CLVS2: variants seen among roughly 807,000 people sequenced by gnomAD.
CLVS2 encodes the protein clavesin 2, also known as clavesin-2.
Under a neutral mutation model 29.0 loss-of-function variants are expected in CLVS2, and 19 were observed. The observed-to-expected ratio is 0.66, with a 90% CI of 0.46 to 0.96. CLVS2 has a LOEUF of 0.96. Ranked by LOEUF, CLVS2 falls within the 40% of genes least tolerant of loss-of-function variation. The pLI is 0.00. For missense variants in CLVS2, 294 were observed against 404.1 expected (o/e 0.73, Z 2.34); for synonymous variants, 161 against 151.3 (o/e 1.06, Z -0.47).
Position 123,066,457 on chromosome 6 carries a change from T to C in CLVS2, c.*2696T>C, listed in dbSNP as rs1772857163. 6.6e-6 allele frequency: 1 copy of C among 151,742 alleles called. No homozygotes were observed. Among genetic ancestry groups the C allele is most frequent in the African/African-American group, 2.4e-5 (1 of 41,394 alleles). 9.4% of individuals were successfully genotyped at this position (151,742 alleles called of 1,614,324 possible). On this transcript the variant is annotated 3_prime_UTR_variant, in exon 6 of 6. Coordinates refer to ENST00000275162, the MANE Select transcript of CLVS2 (RefSeq NM_001010852.4). ...ACTTCGAGAGCTATTTTAGTTGTCTTGTCACTTGAAATTTGCGGGCTTCAA... is the reference window on the plus strand; with the variant it reads ...ACTTCGAGAGCTATTTTAGTTGTCTCGTCACTTGAAATTTGCGGGCTTCAA...
At chr6:123,046,434 C>T (rs1018378885) in intron 3 of CLVS2, among the ~76,000 whole-genome samples, 3 of 152,058 alleles carry the variant, frequency 2.0e-5, no homozygotes, top group Non-Finnish European at 4.4e-5. Flanking sequence ...CCGAGGTGGG[C>T]GAGTCACCTG....
chr6:123,059,458 T>C (rs1375697794), intron 5 of CLVS2, among the ~76,000 whole-genome samples: 2 of 152,202 alleles, frequency 1.3e-5, no homozygotes, highest in Admixed American at 6.5e-5. Context: ...CAGAGGGTGC[T>C]CAGGAAATAC....
chr6:122,999,997 A>G (rs1201140561), intron 2 of CLVS2, among the ~76,000 whole-genome samples: 2 of 152,188 alleles, frequency 1.3e-5, no homozygotes, highest in Non-Finnish European at 2.9e-5. Flanking sequence ...GCTTCCATAT[A>G]AAGGGCAGAC....
At chr6:123,051,942 A>G (rs1038833953) in intron 4 of CLVS2, among the ~76,000 whole-genome samples, 1 of 152,206 alleles carries the variant, frequency 6.6e-6, no homozygotes, top group Non-Finnish European at 1.5e-5. Context: ...GTAGAAACTT[A>G]ACAATTGGGC....
At chr6:123,006,903 C>T (rs1222214975) in intron 2 of CLVS2, among the ~76,000 whole-genome samples, 1 of 152,076 alleles carries the variant, frequency 6.6e-6, no homozygotes, top group African/African-American at 2.4e-5. Flanking sequence ...CTTATTTCTA[C>T]ATTTGGATGA....
chr6:123,014,390 T>G (rs1485057463), intron 3 of CLVS2, among the ~76,000 whole-genome samples: 1 of 152,078 alleles, frequency 6.6e-6, no homozygotes, highest in Non-Finnish European at 1.5e-5. Flanking sequence ...CCATATACCT[T>G]GTATAAAGAT....
intron 3 of CLVS2, among the ~76,000 whole-genome samples, chr6:123,037,535 C>T (rs142484541): frequency 2.0e-4 from 30 of 152,164 alleles, no homozygotes; most frequent in African/African-American, 5.5e-4. Flanking sequence ...TCACTGTCTT[C>T]TGCTCTAAGA....
Position 123,055,971 on chromosome 6 carries a change from T to A in CLVS2, c.841T>A (p.Tyr281Asn). 6.2e-7 allele frequency: 1 copy of A among 1,614,006 alleles called. No individual in the cohort carries two copies. Among genetic ancestry groups the A allele is most frequent in the East Asian group, 2.2e-5 (1 of 44,826 alleles). The change falls in exon 5 of 6, where the codon TAC becomes AAC. Residue 281 changes from tyrosine to asparagine, a missense_variant. By Grantham distance (143) the Tyr-to-Asn change is moderately radical. Transcript: ENST00000275162. ...DDDSEYNVDS[Y>N]SMPVKEVEKE... is the part of the protein sequence containing the mutation. ...TGACAGCGAGTACAATGTAGACTCC[T>A]ACAGCATGCCTGTGAAGGAAGTAGA...
intron 2 of CLVS2, among the ~76,000 whole-genome samples, chr6:123,000,651 C>T (rs1362764176): frequency 1.3e-5 from 2 of 152,182 alleles, no homozygotes; most frequent in Admixed American, 1.3e-4. Flanking sequence ...GTGCTAGTTT[C>T]TCTTATCCCT....
chr6:122,998,162 A>G lies in CLVS2; in HGVS notation c.385A>G (p.Ser129Gly). Residue 129 changes from serine (S) to glycine (G), a missense_variant, in exon 2 of 6, where the codon AGC (serine) becomes GGC (glycine). By Grantham distance (56) the Ser-to-Gly change is moderately conservative. Transcript: ENST00000275162. ...CCTTTTTGCTGCCAATTGGGATCAG[A>G]GCAGGTAAATCCTAAATCCAAACTT... The part of the protein sequence containing the change: ...LVLFAANWDQ[S>G]RYTLVDILRA... 6.2e-7 allele frequency: 1 copy of G among 1,610,154 alleles called. No homozygotes were observed. The highest frequency in any genetic ancestry group is 8.5e-7 in the Non-Finnish European group (1 of 1,179,680).
chr6:123,027,540 T>C (rs1404437462), intron 3 of CLVS2, among the ~76,000 whole-genome samples: 1 of 152,206 alleles, frequency 6.6e-6, no homozygotes, highest in Non-Finnish European at 1.5e-5. Context: ...GACATTGCCT[T>C]GCCTTTAGCC....
chr6:123,014,414 T>C (rs911739425), intron 3 of CLVS2, among the ~76,000 whole-genome samples: 1 of 152,058 alleles, frequency 6.6e-6, no homozygotes, highest in African/African-American at 2.4e-5. Context: ...TGAACCATTA[T>C]TATATATATT....
At chr6:123,040,090 C>A (rs1341639029) in intron 3 of CLVS2, among the ~76,000 whole-genome samples, 3 of 152,080 alleles carry the variant, frequency 2.0e-5, no homozygotes, top group African/African-American at 7.2e-5. Context: ...TGGGTTGTAT[C>A]TGAAGTGCTG....
rs1428917176 is a variant in CLVS2 at position 123,071,028 on chromosome 6, T to G, written c.*7267T>G. On this transcript the variant is annotated 3_prime_UTR_variant, in exon 6 of 6. Transcript: ENST00000275162. ...TCATATTCTCCTTTCCTGCTGTATT[T>G]CCTCTCCATAGCATTTATCACCTGA... 1 of 152,024 alleles carries G rather than the reference T, an allele frequency of 6.6e-6. No homozygotes were observed. Among genetic ancestry groups the G allele is most frequent in the Admixed American group, 6.6e-5 (1 of 15,234 alleles). The allele number at this position is 152,024 out of a possible 1,614,324, so 9.4% of individuals were successfully genotyped here.
rs1041717606 is a variant in CLVS2 at position 123,024,185 on chromosome 6, C to T, written c.564+13026C>T. On this transcript the variant is annotated intron_variant, in intron 3 of 5. Coordinates refer to ENST00000275162, the MANE Select transcript of CLVS2 (RefSeq NM_001010852.4). ...TTCTTTTTAAAAAACCATAGGCAGT[C>T]ATAGGTAGTTTTTCCCTTAGAAGTT... 4.6e-5 allele frequency among the ~76,000 whole-genome samples: 7 copies of T among 152,114 alleles called. No homozygotes were observed. In the East Asian group the frequency reaches 1.4e-3, roughly 29 times the overall value.
At position 123,070,538 on chromosome 6, in the gene CLVS2, A is replaced by C. The variant is rs1227640831; in HGVS notation, c.*6777A>C. 2 of 151,982 alleles carry C rather than the reference A, an allele frequency of 1.3e-5. No homozygotes were observed. The highest frequency in any genetic ancestry group is 2.1e-4 in the South Asian group (1 of 4,836). The allele number at this position is 151,982 out of a possible 1,614,324, so 9.4% of individuals were successfully genotyped here. ...ACACATTAGCAAGAGTGAGTCTCTT[A>C]AAATGTAACTCAGACCATTTTGTTC... is the stretch of plus-strand genomic sequence containing the variant. On this transcript the variant is annotated 3_prime_UTR_variant, in exon 6 of 6. Coordinates refer to ENST00000275162, the MANE Select transcript of CLVS2 (RefSeq NM_001010852.4).
chr6:123,056,402 G>C (rs1057214700), intron 5 of CLVS2, among the ~76,000 whole-genome samples: 1 of 151,924 alleles, frequency 6.6e-6, no homozygotes. Context: ...CCCAGTGCTT[G>C]GTAACCACCA....
chr6:123,022,225 A>G (rs1193161612), intron 3 of CLVS2, among the ~76,000 whole-genome samples: 1 of 152,084 alleles, frequency 6.6e-6, no homozygotes, highest in African/African-American at 2.4e-5. Flanking sequence ...TTAGAGCCAC[A>G]TGTACATTTT....
At chr6:123,054,802 T>C (rs953156062) in intron 4 of CLVS2, among the ~76,000 whole-genome samples, 2 of 151,956 alleles carry the variant, frequency 1.3e-5, no homozygotes, top group Middle Eastern at 3.4e-3. Context: ...ATCTTGAGTA[T>C]GTGGCTTGAA....
Sources: gnomAD v4.1 joint callset for allele counts (sites outside exome capture counted in the v4.1 genomes callset) on GRCh38, gnomAD v4.1.1 for gene constraint, MANE v1.5 for transcripts, NCBI Gene and HGNC (gene_info 2026-07-23, HGNC 2026-07-21) for gene names.